The following KLHDC4 variants were observed in gnomAD, a reference collection of about 807,000 sequenced individuals.
The protein encoded by KLHDC4 is kelch domain containing 4.
Under a neutral mutation model 62.4 loss-of-function variants are expected in KLHDC4, and 90 were observed. That is an observed-to-expected ratio of 1.44 (90% CI 1.22 to 1.72). The LOEUF is 1.72. KLHDC4 is among the 40% of genes most tolerant of loss of function. The probability of loss-of-function intolerance (pLI) is 0.00; values close to 1 mark genes in which losing one functional copy is unlikely to be tolerated. For synonymous variants in KLHDC4, 386 were observed against 284.4 expected (o/e 1.36, Z -3.59); for missense variants, 1,025 against 699.7 (o/e 1.47, Z -5.25).
chr16:87,706,148 G>T, downstream of KLHDC4, among the ~76,000 whole-genome samples: 1 of 140,698 alleles, frequency 7.1e-6, no homozygotes, highest in Non-Finnish European at 1.5e-5. Flanking sequence ...CTCGCGGGGG[G>T]GTCAGCGTAA....
chr16:87,751,792 G>A (rs903644935), intron 4 of KLHDC4, among the ~76,000 whole-genome samples: 5 of 151,972 alleles, frequency 3.3e-5, no homozygotes, highest in South Asian at 2.1e-4. Context: ...AAATGAAGTC[G>A]GCCGGGCACG....
intron 1 of KLHDC4, 180 bp from the exon 2 acceptor site, chr16:87,762,220 G>T (rs766695123): frequency 1.7e-4 from 218 of 1,308,502 alleles, no homozygotes; most frequent in Non-Finnish European, 2.2e-4. Flanking sequence ...ACCAGAGCTT[G>T]ACCTCAAAGG....
At position 87,711,276 on chromosome 16, in the gene KLHDC4, A is replaced by G. The variant is rs371204665; in HGVS notation, c.1003T>C (p.Tyr335His). The change falls in exon 9 of 12, where the codon TAC becomes CAC. Residue 335 changes from tyrosine to histidine, a missense_variant. Transcript: ENST00000270583. ...SGEFFNDLYF[Y>H]DATRNRWFEG... The stretch of plus-strand genomic sequence containing the variant: ...AACCAACGGTTCCTGGTGGCGTCGT[A>G]GAAGTACAGATCGTTGAAGAACTCG... 1.9e-6 allele frequency: 3 copies of G among 1,614,056 alleles called. No individual in the cohort carries two copies. Among genetic ancestry groups the G allele is most frequent in the Admixed American group, 1.7e-5 (1 of 60,014 alleles).
At chr16:87,714,126 T>A (rs749893441) in intron 8 of KLHDC4, among the ~76,000 whole-genome samples, 11 of 152,104 alleles carry the variant, frequency 7.2e-5, no homozygotes, top group Admixed American at 2.6e-4. Flanking sequence ...CCCCAGTGAC[T>A]CCTGGTGGCT....
intron 1 of KLHDC4, among the ~76,000 whole-genome samples, chr16:87,763,781 A>G (rs1177398730): frequency 6.6e-6 from 1 of 152,166 alleles, no homozygotes; most frequent in Non-Finnish European, 1.5e-5. Context: ...CCTCATCATC[A>G]TTGGGTGACT....
exon 1 of KLHDC4, chr16:87,700,693 AG>A: frequency 5.4e-6 from 1 of 186,572 alleles, no homozygotes; most frequent in South Asian, 4.8e-5. Flanking sequence ...TGGAGGGCGG[AG>A]GGAGGAGGTT....
At position 87,738,359 on chromosome 16, in the gene KLHDC4, A is replaced by ACG. The variant is rs34851514; in HGVS notation, c.507-7716_507-7715insCG. Among the ~76,000 whole-genome samples, 620 of 138,682 alleles carry ACG rather than the reference A, an allele frequency of 4.5e-3. 2 individuals are homozygous for ACG. Among genetic ancestry groups the ACG allele is most frequent in the African/African-American group, 0.019 (608 of 31,306 alleles). The allele number at this position is 138,682 out of a possible 152,430, so 91.0% of individuals were successfully genotyped here. On this transcript the variant is annotated intron_variant, in intron 5 of 11. Coordinates refer to ENST00000270583, the MANE Select transcript of KLHDC4 (RefSeq NM_017566.4). ...TATGCCTGCGCACACACGGACGTGC[A>ACG]CACACACACACACACACACATCTAT...
At chr16:87,712,766 G>C (rs771837513) in intron 8 of KLHDC4, among the ~76,000 whole-genome samples, 1 of 152,238 alleles carries the variant, frequency 6.6e-6, no homozygotes, top group Non-Finnish European at 1.5e-5. Context: ...GCAAGAAGGA[G>C]GTAAAAACAC....
intron 8 of KLHDC4, among the ~76,000 whole-genome samples, chr16:87,712,375 T>G (rs2036069834): frequency 6.6e-6 from 1 of 151,998 alleles, no homozygotes; most frequent in Admixed American, 6.5e-5. Context: ...GGCCCCCGCC[T>G]CATTCCCACC....
intron 7 of KLHDC4, among the ~76,000 whole-genome samples, chr16:87,721,252 C>A (rs1159929628): frequency 6.6e-6 from 1 of 152,054 alleles, no homozygotes; most frequent in Non-Finnish European, 1.5e-5. Flanking sequence ...AACCCCGTCT[C>A]TACTAAAAAT....
At chr16:87,757,516 A>G (rs1054392602) in intron 2 of KLHDC4, 6 of 151,936 alleles carry the variant, frequency 3.9e-5, no homozygotes, top group African/African-American at 9.7e-5. Context: ...TACATGCCAG[A>G]TATCTTCCAT....
chr16:87,758,051 T>C (rs1567829260), intron 2 of KLHDC4, among the ~76,000 whole-genome samples: 1 of 152,184 alleles, frequency 6.6e-6, no homozygotes, highest in Non-Finnish European at 1.5e-5. Context: ...CTCCAAAAGA[T>C]GTTTCTCAAA....
Position 87,738,409 on chromosome 16 carries a change from G to A in KLHDC4, c.507-7765C>T, listed in dbSNP as rs146294614. ...TATCTTCATCCAACCAAACAGTACC[G>A]ATCATCTCCCAAGTGCTCCGGTGCA... On this transcript the variant is annotated intron_variant, in intron 5 of 11. Coordinates refer to ENST00000270583, the MANE Select transcript of KLHDC4 (RefSeq NM_017566.4). 3.0e-3 allele frequency among the ~76,000 whole-genome samples: 449 copies of A among 152,056 alleles called. 8 individuals carry two copies. Among genetic ancestry groups the A allele is most frequent in the East Asian group, 0.018 (94 of 5,178 alleles).
Position 87,755,182 on chromosome 16 carries a change from T to C in KLHDC4, c.369+12A>G, listed in dbSNP as rs2044672384. 3.2e-6 allele frequency: 5 copies of C among 1,582,174 alleles called. No individual in the cohort carries two copies. Among genetic ancestry groups the C allele is most frequent in the Non-Finnish European group, 4.3e-6 (5 of 1,151,334 alleles). ...AAGAGGGAGGGTGGCTGAGAGTCAG[T>C]GCTGACATTACCTGGTGAGCACAGC... On this transcript the variant is annotated intron_variant, in intron 4 of 11. Transcript: ENST00000270583.
intron 7 of KLHDC4, among the ~76,000 whole-genome samples, chr16:87,715,860 G>A (rs988539761): frequency 6.6e-5 from 10 of 152,272 alleles, no homozygotes; most frequent in African/African-American, 1.7e-4. Flanking sequence ...GGTCGCAGGG[G>A]TAGTGACACA....
rs116032511 is a variant in KLHDC4 at position 87,738,166 on chromosome 16, G to T, written c.507-7522C>A. ...CTGTACTTCACACCTGAGACTCTCA[G>T]AGGCCAGTCACTGTTAGCTAACTCG... On this transcript the variant is annotated intron_variant, in intron 5 of 11. Transcript: ENST00000270583. Among the ~76,000 whole-genome samples, 749 of 152,284 alleles carry T rather than the reference G, an allele frequency of 4.9e-3. 6 individuals are homozygous for T. The highest frequency in any genetic ancestry group is 0.018 in the African/African-American group (734 of 41,536).
At chr16:87,745,439 C>T (rs1373305343) in intron 5 of KLHDC4, among the ~76,000 whole-genome samples, 1 of 152,384 alleles carries the variant, frequency 6.6e-6, no homozygotes, top group Non-Finnish European at 1.5e-5. Context: ...ACGTGAGCTC[C>T]GCCTGATGCT....
At chr16:87,715,107 C>A (rs931494797) in intron 7 of KLHDC4, among the ~76,000 whole-genome samples, 5 of 152,186 alleles carry the variant, frequency 3.3e-5, no homozygotes, top group Admixed American at 2.6e-4. Context: ...ACCAGGTGCA[C>A]TGTTCCCCAG....
At chr16:87,723,382 C>A (rs138773992) in intron 7 of KLHDC4, among the ~76,000 whole-genome samples, 1 of 152,240 alleles carries the variant, frequency 6.6e-6, no homozygotes, top group Non-Finnish European at 1.5e-5. Flanking sequence ...GTGCACGTGG[C>A]TGCAGACAGC....
Sources: allele counts gnomAD v4.1 joint callset (sites outside exome capture counted in the v4.1 genomes callset), GRCh38; gene constraint gnomAD v4.1.1; transcripts MANE v1.5; gene names NCBI Gene and HGNC (gene_info 2026-07-23, HGNC 2026-07-21).